Variants in FRMD3 observed in about 807,000 individuals in gnomAD.
FRMD3 encodes the protein FERM domain containing 3, also known as FERM domain-containing protein 3.
Under a neutral mutation model 70.2 loss-of-function variants are expected in FRMD3, and 33 were observed. That is an observed-to-expected ratio of 0.47 (90% CI 0.36 to 0.63). The LOEUF (loss-of-function observed/expected upper bound fraction) is 0.63. Among genes scored for constraint, FRMD3 ranks in the 20% least tolerant of loss-of-function variants. The pLI, the probability that FRMD3 is intolerant of heterozygous loss-of-function variation, is 0.00. For synonymous variants in FRMD3, 279 were observed against 255.9 expected, an observed-to-expected ratio of 1.09 and a Z score of -0.86; for missense variants, 632 against 711.4, an observed-to-expected ratio of 0.89 and a Z score of 1.27.
chr9:83,465,256 G>A (rs561669629), intron 1 of FRMD3, among the ~76,000 whole-genome samples: 1 of 152,226 alleles, frequency 6.6e-6, no homozygotes, highest in East Asian at 1.9e-4. Context: ...GCAAGTCCAC[G>A]ACAGCCGTGT....
rs980136840 is a variant in FRMD3 at position 83,388,101 on chromosome 9, A to C, written c.252+1503T>G. On this transcript the variant is annotated intron_variant, in intron 2 of 13. Coordinates refer to ENST00000304195, the MANE Select transcript of FRMD3 (RefSeq NM_174938.6). ...ACTGGGAGTACTACAGGAAACCAAA[A>C]TCCTTCTGAGCTGTAATACTTCATT... Among the ~76,000 whole-genome samples the C allele has an allele frequency of 8.6e-4, 131 of 152,238 alleles. 1 individual carries two copies. The highest frequency in any genetic ancestry group is 3.1e-3 in the African/African-American group (127 of 41,546).
At chr9:83,414,718 C>T (rs1192190406) in intron 1 of FRMD3, among the ~76,000 whole-genome samples, 1 of 152,210 alleles carries the variant, frequency 6.6e-6, no homozygotes, top group Non-Finnish European at 1.5e-5. Context: ...ATCCAATTGG[C>T]TGATAAATGT....
intron 6 of FRMD3, among the ~76,000 whole-genome samples, chr9:83,333,569 C>T (rs17311062): frequency 0.23 from 34,231 of 152,100 alleles, 4,332 homozygotes; most frequent in Admixed American, 0.3. Flanking sequence ...CTGGCTGCAA[C>T]GCCTCTCATG....
intron 2 of FRMD3, 56 bp downstream of exon 2, chr9:83,389,548 G>T: frequency 8.8e-7 from 1 of 1,132,882 alleles, no homozygotes; most frequent in Non-Finnish European, 1.3e-6. Flanking sequence ...CCCCCACAGT[G>T]CACCACAGTC....
chr9:83,443,588 C>T (rs1272755043), intron 1 of FRMD3, among the ~76,000 whole-genome samples: 1 of 152,160 alleles, frequency 6.6e-6, no homozygotes, highest in East Asian at 1.9e-4. Context: ...GTGAATAGTG[C>T]CGCAATAAAC....
chr9:83,251,703 C>T (rs12553212), intron 13 of FRMD3, among the ~76,000 whole-genome samples: 47,573 of 152,048 alleles, frequency 0.31, 8,436 homozygotes, highest in Middle Eastern at 0.46. Flanking sequence ...AAACACAACA[C>T]GAGAACTTCA....
rs980643348 is a variant in FRMD3 at position 83,351,510 on chromosome 9, A to G, written c.296-1753T>C. Among the ~76,000 whole-genome samples the G allele has an allele frequency of 4.6e-5, 7 of 152,286 alleles. No homozygotes were observed. In the South Asian group the frequency reaches 8.3e-4, roughly 18 times the overall value. On this transcript the variant is annotated intron_variant, in intron 3 of 13. Coordinates refer to ENST00000304195, the MANE Select transcript of FRMD3 (RefSeq NM_174938.6). ...CTAGGAGAAAATAGATACCTTCTACATAGCAAAGAAAAAGCTTAGAAAAAT... is the reference window on the plus strand; with the variant it reads ...CTAGGAGAAAATAGATACCTTCTACGTAGCAAAGAAAAAGCTTAGAAAAAT...
At position 83,245,266 on chromosome 9, in the gene FRMD3, TCTCA is replaced by T; in HGVS notation, c.*2648_*2651del. ...TCACACACTTGCTTTAAACTCTATATCTCACTCTATAATATACTGTCCATCTCTG... is the reference window on the plus strand; with the variant it reads ...TCACACACTTGCTTTAAACTCTATATCTCTATAATATACTGTCCATCTCTG... On this transcript the variant is annotated 3_prime_UTR_variant, in exon 14 of 14. Transcript: ENST00000304195. 1 of 985,352 alleles carries T rather than the reference TCTCA, an allele frequency of 1.0e-6. No homozygotes were observed. Among genetic ancestry groups the T allele is most frequent in the Non-Finnish European group, 1.2e-6 (1 of 829,854 alleles). The allele number at this position is 985,352 out of a possible 1,614,324, so 61.0% of individuals were successfully genotyped here. A position where few individuals can be genotyped will look rare whatever the true frequency, so the allele number is the denominator to read the frequency against.
chr9:83,329,978 G>C (rs145471692), intron 6 of FRMD3, among the ~76,000 whole-genome samples: 1 of 152,032 alleles, frequency 6.6e-6, no homozygotes, highest in Admixed American at 6.5e-5. Flanking sequence ...AACCCCTTCC[G>C]AGCACCCTCA....
intron 1 of FRMD3, among the ~76,000 whole-genome samples, chr9:83,434,433 A>ACAAATGTC (rs1450340809): frequency 1.3e-5 from 2 of 152,176 alleles, no homozygotes; most frequent in African/African-American, 4.8e-5. Context: ...GTGAATGGGG[A>ACAAATGTC]CAAATGTCCA....
intron 2 of FRMD3, among the ~76,000 whole-genome samples, chr9:83,382,962 A>G (rs1825402031): frequency 6.6e-6 from 1 of 152,088 alleles, no homozygotes; most frequent in Non-Finnish European, 1.5e-5. Flanking sequence ...TTTTCCCCCA[A>G]AACCTGTTCT....
At chr9:83,378,646 T>C (rs1283919634) in intron 2 of FRMD3, among the ~76,000 whole-genome samples, 2 of 131,972 alleles carry the variant, frequency 1.5e-5, no homozygotes, top group African/African-American at 5.7e-5. Context: ...ATAATTTATA[T>C]ATTATATATA....
intron 1 of FRMD3, among the ~76,000 whole-genome samples, chr9:83,475,197 G>C: frequency 6.6e-6 from 1 of 151,888 alleles, no homozygotes; most frequent in East Asian, 1.9e-4. Context: ...CTAGATATTG[G>C]GATTATCAGG....
At chr9:83,309,651 A>C in intron 9 of FRMD3, 27 bp from the exon 10 acceptor site, 4 of 1,435,846 alleles carry the variant, frequency 2.8e-6, no homozygotes, top group Non-Finnish European at 3.8e-6. Flanking sequence ...AAAACAAGAA[A>C]AGGCACGTAA....
At chr9:83,352,859 C>G (rs1052372694) in intron 3 of FRMD3, among the ~76,000 whole-genome samples, 13 of 152,132 alleles carry the variant, frequency 8.5e-5, no homozygotes, top group Admixed American at 3.3e-4. Flanking sequence ...GGCCCACAGT[C>G]TTAATTCTTT....
At chr9:83,531,650 C>T (rs1000351923) in intron 1 of FRMD3, among the ~76,000 whole-genome samples, 1 of 152,132 alleles carries the variant, frequency 6.6e-6, no homozygotes, top group South Asian at 2.1e-4. Context: ...GCCAGCTGGA[C>T]CTAGCTTGGA....
intron 13 of FRMD3, among the ~76,000 whole-genome samples, chr9:83,264,746 C>A: frequency 6.7e-6 from 1 of 149,180 alleles, no homozygotes. Context: ...AGAAATATAC[C>A]CTTTAATATA....
At chr9:83,330,987 T>G (rs1441235073) in intron 6 of FRMD3, among the ~76,000 whole-genome samples, 2 of 152,190 alleles carry the variant, frequency 1.3e-5, no homozygotes, top group Non-Finnish European at 2.9e-5. Flanking sequence ...ACAGGAACTC[T>G]CATTCCCTGC....
intron 1 of FRMD3, among the ~76,000 whole-genome samples, chr9:83,398,521 C>T (rs567295829): frequency 6.6e-6 from 1 of 151,956 alleles, no homozygotes; most frequent in Non-Finnish European, 1.5e-5. Context: ...GAAGATAAAC[C>T]CAAGATTTGG....
Sources: gnomAD v4.1 joint callset for allele counts (sites outside exome capture counted in the v4.1 genomes callset) on GRCh38, gnomAD v4.1.1 for gene constraint, MANE v1.5 for transcripts, NCBI Gene and HGNC (gene_info 2026-07-23, HGNC 2026-07-21) for gene names.